Variants in RAB28 observed in about 807,000 individuals in gnomAD.
RAB28 encodes the protein ras-related protein Rab-28.
Under a neutral mutation model 31.7 loss-of-function variants are expected in RAB28, and 24 were observed. The observed-to-expected ratio is 0.76, with a 90% CI of 0.55 to 1.06. RAB28 has a LOEUF of 1.06. Ranked by LOEUF, RAB28 falls within the 50% of genes least tolerant of loss-of-function variation. The pLI is 0.00. For synonymous variants in RAB28, 100 were observed against 90.4 expected (o/e 1.11, Z -0.60); for missense variants, 254 against 258.5 (o/e 0.98, Z 0.12).
At chr4:13,436,264 A>G (rs1012415663) in intron 4 of RAB28, among the ~76,000 whole-genome samples, 6 of 152,202 alleles carry the variant, frequency 3.9e-5, no homozygotes, top group Non-Finnish European at 8.8e-5. Flanking sequence ...TAAACAGGCA[A>G]AACTGGAAGC....
chr4:13,474,097 A>C lies in RAB28; in HGVS notation c.261+221T>G, dbSNP rs1346416801. The C allele has an allele frequency of 4.3e-6, 3 of 691,130 alleles. No individual in the cohort carries two copies. The Admixed American group carries it at 5.4e-5, about 12-fold the overall frequency. 42.8% of individuals were successfully genotyped at this position (691,130 alleles called of 1,614,324 possible). On this transcript the variant is annotated intron_variant, in intron 3 of 6. Transcript: ENST00000330852. ...CACCTAGTAATGTAAATAACATACG[A>C]AAGCTGTTCAGAGTTTTCCTGTTCC...
In RAB28 at chr4:13,421,249, T is replaced by C. The variant is rs143421757; in HGVS notation, c.391+39450A>G. Among the ~76,000 whole-genome samples, 1,195 of 152,086 alleles carry C rather than the reference T, an allele frequency of 7.9e-3. 16 individuals carry two copies. The highest frequency in any genetic ancestry group is 0.028 in the African/African-American group (1,149 of 41,484). On this transcript the variant is annotated intron_variant, in intron 4 of 6. Transcript: ENST00000330852. ...AACTACAAACCACTGCTCAATGAAA[T>C]AAAAGAGAACACAAACAAATGGAAG...
chr4:13,376,628 T>A lies in RAB28; in HGVS notation c.496-6A>T, dbSNP rs918836105. On this transcript the variant is annotated splice_region_variant and splice_polypyrimidine_tract_variant and intron_variant, in intron 5 of 6. Transcript: ENST00000330852. ...TTCTGAAAGCACAGGAAGACCTACA[T>A]AACAAAAATGGGTTTAAATGATTTA... 22 of 1,586,656 alleles carry A rather than the reference T, an allele frequency of 1.4e-5. No homozygotes were observed. The Middle Eastern group carries it at 5.1e-4, about 37-fold the overall frequency.
At chr4:13,411,526 A>G (rs1712440304) in intron 4 of RAB28, among the ~76,000 whole-genome samples, 1 of 152,210 alleles carries the variant, frequency 6.6e-6, no homozygotes, top group Admixed American at 6.5e-5. Flanking sequence ...AAAAATCAAA[A>G]GTACAAGCAT....
chr4:13,390,352 G>A (rs1236174018), intron 4 of RAB28, among the ~76,000 whole-genome samples: 1 of 152,050 alleles, frequency 6.6e-6, no homozygotes, highest in Non-Finnish European at 1.5e-5. Flanking sequence ...ATTTACAAGG[G>A]ATGTGAAGGA....
At chr4:13,469,082 A>G (rs1352594466) in intron 3 of RAB28, among the ~76,000 whole-genome samples, 1 of 152,006 alleles carries the variant, frequency 6.6e-6, no homozygotes, top group African/African-American at 2.4e-5. Flanking sequence ...CCATAATACA[A>G]GCACCCTCAA....
chr4:13,394,909 C>G (rs1046207756), intron 4 of RAB28, among the ~76,000 whole-genome samples: 1 of 152,046 alleles, frequency 6.6e-6, no homozygotes, highest in African/African-American at 2.4e-5. Context: ...TTTACAAAAC[C>G]CTTTGGGGCC....
intron 4 of RAB28, among the ~76,000 whole-genome samples, chr4:13,415,848 G>A (rs971372544): frequency 6.6e-6 from 1 of 152,236 alleles, no homozygotes; most frequent in East Asian, 1.9e-4. Context: ...CTGGGCTCCT[G>A]ACTGGTGGGG....
intron 4 of RAB28, among the ~76,000 whole-genome samples, chr4:13,442,639 T>C (rs906154531): frequency 1.3e-5 from 2 of 151,972 alleles, no homozygotes; most frequent in East Asian, 1.9e-4. Context: ...GAAAAATATA[T>C]ATATTTAGCA....
chr4:13,481,755 G>A (rs568933810), intron 1 of RAB28, among the ~76,000 whole-genome samples: 26 of 152,204 alleles, frequency 1.7e-4, no homozygotes, highest in African/African-American at 6.0e-4. Context: ...GAAACTGTTA[G>A]TCATCATCTC....
intron 3 of RAB28, among the ~76,000 whole-genome samples, chr4:13,462,667 A>G (rs1715650972): frequency 6.6e-6 from 1 of 152,112 alleles, no homozygotes. Flanking sequence ...CTAAAATTCG[A>G]TATTTGAGTT....
chr4:13,434,956 T>G (rs1577211257), intron 4 of RAB28, among the ~76,000 whole-genome samples: 1 of 141,254 alleles, frequency 7.1e-6, no homozygotes, highest in South Asian at 2.3e-4. Flanking sequence ...GAGGTGGAGG[T>G]TGCAGTGAGC....
chr4:13,396,751 A>T (rs182676093), intron 4 of RAB28, among the ~76,000 whole-genome samples: 1,791 of 152,194 alleles, frequency 0.012, 13 homozygotes, highest in Non-Finnish European at 0.018. Context: ...CCCACTTTCA[A>T]AACTGGGTTT....
At chr4:13,403,435 G>A (rs562590498) in intron 4 of RAB28, among the ~76,000 whole-genome samples, 1 of 152,232 alleles carries the variant, frequency 6.6e-6, no homozygotes, top group African/African-American at 2.4e-5. Context: ...AAACGATTTT[G>A]TCTATTTCTC....
At chr4:13,394,200 G>A (rs1729773847) in intron 4 of RAB28, among the ~76,000 whole-genome samples, 1 of 152,140 alleles carries the variant, frequency 6.6e-6, no homozygotes, top group South Asian at 2.1e-4. Flanking sequence ...TTTGATCTGA[G>A]ATCTAAAGCA....
intron 4 of RAB28, among the ~76,000 whole-genome samples, chr4:13,395,432 T>C (rs780414431): frequency 2.6e-5 from 4 of 151,998 alleles, no homozygotes; most frequent in Non-Finnish European, 4.4e-5. Context: ...ACAAGCAAAA[T>C]TCCCTTAATA....
chr4:13,468,266 C>T (rs1021584386), intron 3 of RAB28, among the ~76,000 whole-genome samples: 2 of 151,932 alleles, frequency 1.3e-5, no homozygotes, highest in Admixed American at 6.6e-5. Flanking sequence ...TTATAGACTA[C>T]GGTATTCATT....
chr4:13,433,610 T>C (rs1713937563), intron 4 of RAB28, among the ~76,000 whole-genome samples: 1 of 151,648 alleles, frequency 6.6e-6, no homozygotes, highest in Non-Finnish European at 1.5e-5. Flanking sequence ...CACAATGAAA[T>C]ACAATCTCAC....
chr4:13,388,478 T>A (rs1403656877), intron 4 of RAB28, among the ~76,000 whole-genome samples: 1 of 151,960 alleles, frequency 6.6e-6, no homozygotes, highest in Non-Finnish European at 1.5e-5. Context: ...TTCTTGGACA[T>A]GACACCGAAT....
Sources: allele counts gnomAD v4.1 joint callset (sites outside exome capture counted in the v4.1 genomes callset), GRCh38; gene constraint gnomAD v4.1.1; transcripts MANE v1.5; gene names NCBI Gene and HGNC (gene_info 2026-07-23, HGNC 2026-07-21).